USH2A: variants seen among roughly 807,000 people sequenced by gnomAD.
USH2A encodes the protein Usher syndrome 2A (autosomal recessive, mild).
In USH2A, 443 loss-of-function variants were observed where a neutral mutation model predicts 538.9. That is an observed-to-expected ratio of 0.82 (90% CI 0.76 to 0.89). The LOEUF (loss-of-function observed/expected upper bound fraction) is 0.89, where lower values mean the gene tolerates loss of function less well. Ranked by LOEUF, USH2A falls within the 40% of genes least tolerant of loss-of-function variation. The pLI is 0.00. For missense variants in USH2A, 6,633 were observed against 6,324.8 expected (o/e 1.05, Z -1.65); for synonymous variants, 2,413 against 2,273.5 (o/e 1.06, Z -1.75).
intron 35 of USH2A, among the ~76,000 whole-genome samples, chr1:215,990,330 T>C (rs952408220): frequency 2.6e-5 from 4 of 152,206 alleles, no homozygotes; most frequent in African/African-American, 9.7e-5. Flanking sequence ...AGACACTGGA[T>C]GGTAAGTACT....
At chr1:216,340,350 T>C (rs1008602383) in intron 4 of USH2A, among the ~76,000 whole-genome samples, 3 of 151,938 alleles carry the variant, frequency 2.0e-5, no homozygotes, top group African/African-American at 4.8e-5. Flanking sequence ...CAGTAATTAA[T>C]AGCCTACCAA....
rs59194552 is a variant in USH2A at position 216,370,609 on chromosome 1, C to T, written c.652-5524G>A. Reference sequence around the variant, plus strand: ...GCAGAGAGTTGCTAAACCCGGGAGGCGGAGGTTGTGGTGAGCCGAGATCGC... The same window carrying T: ...GCAGAGAGTTGCTAAACCCGGGAGGTGGAGGTTGTGGTGAGCCGAGATCGC... On this transcript the variant is annotated intron_variant, in intron 3 of 71. Transcript: ENST00000307340. Among the ~76,000 whole-genome samples, 680 of 113,596 alleles carry T rather than the reference C, an allele frequency of 6.0e-3. 7 individuals are homozygous for T. Among genetic ancestry groups the T allele is most frequent in the African/African-American group, 0.022 (657 of 29,288 alleles). The allele number at this position is 113,596 out of a possible 152,430, so 74.5% of individuals were successfully genotyped here.
At chr1:216,362,370 G>A (rs2137402) in intron 4 of USH2A, among the ~76,000 whole-genome samples, 42,843 of 151,890 alleles carry the variant, frequency 0.28, 6,498 homozygotes, top group African/African-American at 0.4. Flanking sequence ...AAATAATTCT[G>A]AGTCAGCATT....
At chr1:216,130,319 T>C (rs988196473) in intron 21 of USH2A, among the ~76,000 whole-genome samples, 2 of 149,378 alleles carry the variant, frequency 1.3e-5, no homozygotes, top group Non-Finnish European at 3.0e-5. Context: ...TTCCCACCCT[T>C]TCCCCCTGAG....
chr1:215,879,054 G>A lies in USH2A; in HGVS notation c.8268C>T (p.Ser2756=). Residue 2756 remains serine (S), a synonymous_variant, in exon 42 of 72, where the codon AGC becomes AGT. Transcript: ENST00000307340. ...PPLIQNGDIL[S]YEIHMPDPHI... is the part of the protein sequence containing the mutation. ...GAGGGTCAGGCATGTGAATCTCATA[G>A]CTAAGTATGTCTCCGTTCTGGATGA... 2 of 1,614,050 alleles carry A rather than the reference G, an allele frequency of 1.2e-6. No homozygotes were observed. Among genetic ancestry groups the A allele is most frequent in the South Asian group, 1.1e-5 (1 of 91,084 alleles).
intron 11 of USH2A, among the ~76,000 whole-genome samples, chr1:216,254,364 C>T (rs1214205217): frequency 6.6e-6 from 1 of 152,010 alleles, no homozygotes; most frequent in Admixed American, 6.6e-5. Flanking sequence ...TACTCTAAAA[C>T]CAATTGCTGT....
intron 64 of USH2A, among the ~76,000 whole-genome samples, chr1:215,667,653 G>C (rs946755966): frequency 2.6e-5 from 4 of 151,578 alleles, no homozygotes; most frequent in Non-Finnish European, 5.9e-5. Context: ...AGCCAAGATC[G>C]TGCCATTGCA....
chr1:215,872,596 A>G (rs1414931937), intron 43 of USH2A, among the ~76,000 whole-genome samples: 1 of 152,156 alleles, frequency 6.6e-6, no homozygotes, highest in African/African-American at 2.4e-5. Context: ...AGGGGAAAAA[A>G]ACCTCCTGTG....
chr1:215,680,050 G>T, intron 62 of USH2A, 99 bp downstream of exon 62: 2 of 1,201,162 alleles, frequency 1.7e-6, no homozygotes, highest in Non-Finnish European at 2.5e-6. Context: ...TAAACAGGCT[G>T]TGAAGGGAGT....
At chr1:215,859,831 T>A (rs377450164) in intron 44 of USH2A, among the ~76,000 whole-genome samples, 2 of 152,304 alleles carry the variant, frequency 1.3e-5, no homozygotes, top group East Asian at 3.9e-4. Flanking sequence ...CCTTAAATTA[T>A]TGCCATGGTT....
intron 60 of USH2A, among the ~76,000 whole-genome samples, chr1:215,728,608 T>C (rs369353247): frequency 3.8e-5 from 1 of 26,210 alleles, no homozygotes; most frequent in Admixed American, 3.7e-4. Context: ...CACACACACG[T>C]ATTTGACTGA....
intron 30 of USH2A, among the ~76,000 whole-genome samples, chr1:216,054,445 G>A (rs899190198): frequency 2.0e-5 from 3 of 152,050 alleles, no homozygotes; most frequent in Non-Finnish European, 4.4e-5. Flanking sequence ...ATGGGACACC[G>A]TATGCTGAGA....
At chr1:216,369,440 A>G (rs1270159303) in intron 3 of USH2A, among the ~76,000 whole-genome samples, 3 of 152,160 alleles carry the variant, frequency 2.0e-5, no homozygotes, top group African/African-American at 7.2e-5. Context: ...TAACTGGTAA[A>G]GTCTCCTCAC....
chr1:215,990,994 C>T (rs1453666869), intron 35 of USH2A, among the ~76,000 whole-genome samples: 2 of 151,998 alleles, frequency 1.3e-5, no homozygotes, highest in Non-Finnish European at 1.5e-5. Context: ...ATCTCCTGAC[C>T]TCATGATCCA....
rs2031812954 is a variant in USH2A at position 216,078,099 on chromosome 1, ACAC to A, written c.5559_5561del (p.Leu1853_Cys1854delinsPhe). 6.2e-7 allele frequency: 1 copy of A among 1,613,520 alleles called. No homozygotes were observed. The highest frequency in any genetic ancestry group is 1.3e-5 in the African/African-American group (1 of 74,908). The stretch of plus-strand genomic sequence containing the variant: ...CCAGATGGAACTTACCTTGTTCCAA[ACAC>A]AAATGTTGATAAGAGTTCAGCAGTT... On this transcript the variant is annotated inframe_deletion, in exon 27 of 72. Coordinates refer to ENST00000307340, the MANE Select transcript of USH2A (RefSeq NM_206933.4).
At chr1:216,094,375 C>A (rs189773331) in intron 22 of USH2A, among the ~76,000 whole-genome samples, 3 of 152,106 alleles carry the variant, frequency 2.0e-5, no homozygotes, top group African/African-American at 7.2e-5. Context: ...CCACCCACAC[C>A]CCGCCACTAA....
At chr1:215,777,456 A>G (rs925133667) in intron 55 of USH2A, among the ~76,000 whole-genome samples, 1 of 152,224 alleles carries the variant, frequency 6.6e-6, no homozygotes, top group African/African-American at 2.4e-5. Context: ...TAGATACTAC[A>G]AGAAGAAATT....
At chr1:216,419,436 T>C (rs575455839) in intron 2 of USH2A, among the ~76,000 whole-genome samples, 44 of 152,202 alleles carry the variant, frequency 2.9e-4, no homozygotes, top group African/African-American at 9.4e-4. Context: ...TCTCTACCCT[T>C]ATTAGAGTGA....
chr1:216,124,858 C>T (rs1397309371), intron 21 of USH2A, among the ~76,000 whole-genome samples: 2 of 152,174 alleles, frequency 1.3e-5, no homozygotes, highest in Non-Finnish European at 2.9e-5. Context: ...AAGGGTTTTT[C>T]ATGTCTCTGT....
Sources: gnomAD v4.1 joint callset for allele counts (sites outside exome capture counted in the v4.1 genomes callset) on GRCh38, gnomAD v4.1.1 for gene constraint, MANE v1.5 for transcripts, NCBI Gene and HGNC (gene_info 2026-07-23, HGNC 2026-07-21) for gene names.